Variants in KLHL1 observed in about 807,000 individuals in gnomAD.
KLHL1 encodes the protein kelch like family member 1.
A neutral mutation model predicts 77.7 loss-of-function variants in KLHL1; 47 were observed. The observed-to-expected ratio is 0.60, with a 90% confidence interval of 0.48 to 0.77. The LOEUF is 0.77. Ranked by LOEUF, KLHL1 falls within the 30% of genes least tolerant of loss-of-function variation. KLHL1 has a pLI of 0.00. For missense variants in KLHL1, 925 were observed against 910.8 expected, an observed-to-expected ratio of 1.02 and a Z score of -0.20; for synonymous variants, 360 against 325.2, an observed-to-expected ratio of 1.11 and a Z score of -1.15.
chr13:70,039,462 T>G (rs1405081995), intron 1 of KLHL1, among the ~76,000 whole-genome samples: 1 of 152,098 alleles, frequency 6.6e-6, no homozygotes, highest in Admixed American at 6.5e-5. Context: ...CATAAATAAT[T>G]TTTTGGCCAA....
At chr13:70,020,623 C>T (rs1885764205) in intron 1 of KLHL1, among the ~76,000 whole-genome samples, 1 of 151,998 alleles carries the variant, frequency 6.6e-6, no homozygotes, top group East Asian at 1.9e-4. Flanking sequence ...AGAAGCTGTA[C>T]CTTTTATCTA....
At chr13:69,708,440 G>A (rs968817208) in intron 9 of KLHL1, among the ~76,000 whole-genome samples, 1 of 151,776 alleles carries the variant, frequency 6.6e-6, no homozygotes, top group Non-Finnish European at 1.5e-5. Context: ...TGATTCCCTG[G>A]GTAGGAAGGT....
At chr13:69,879,314 G>C (rs1880892042) in intron 5 of KLHL1, among the ~76,000 whole-genome samples, 1 of 151,962 alleles carries the variant, frequency 6.6e-6, no homozygotes, top group Admixed American at 6.6e-5. Flanking sequence ...ATATTGCTGT[G>C]ACATATTCTC....
At position 70,022,694 on chromosome 13, in the gene KLHL1, C is replaced by T. The variant is rs995626162; in HGVS notation, c.498-46892G>A. ...TATGTATGGAAATCAGTGGGCTACA[C>T]GGTGAGGTTGGATGAATTTAGCAAA... On this transcript the variant is annotated intron_variant, in intron 1 of 10. Coordinates refer to ENST00000377844, the MANE Select transcript of KLHL1 (RefSeq NM_020866.3). 3.9e-5 allele frequency among the ~76,000 whole-genome samples: 6 copies of T among 151,972 alleles called. No individual in the cohort carries two copies. The South Asian group carries it at 8.3e-4, about 21-fold the overall frequency.
At chr13:69,859,698 C>T (rs1880061270) in intron 5 of KLHL1, among the ~76,000 whole-genome samples, 1 of 152,022 alleles carries the variant, frequency 6.6e-6, no homozygotes, top group African/African-American at 2.4e-5. Context: ...AGAAACAATA[C>T]AAACAGAAAC....
chr13:69,926,355 G>A (rs1480610679), intron 4 of KLHL1, among the ~76,000 whole-genome samples: 1 of 151,970 alleles, frequency 6.6e-6, no homozygotes, highest in Non-Finnish European at 1.5e-5. Context: ...AAACATTATG[G>A]GAAGACTAAT....
At chr13:69,961,479 A>G (rs749823717) in intron 2 of KLHL1, 35 bp from the exon 3 acceptor site, 1 of 1,610,324 alleles carries the variant, frequency 6.2e-7, no homozygotes, top group South Asian at 1.1e-5. Context: ...TAGGTCGTGA[A>G]TGTAAGGCAG....
chr13:69,862,863 T>C lies in KLHL1; in HGVS notation c.1227+19420A>G, dbSNP rs933087059. On this transcript the variant is annotated intron_variant, in intron 5 of 10. Transcript: ENST00000377844. ...ACTAAATTTGCAGGCACCTTGATCT[T>C]GGATTTTAGCTTTCAGAACTGTGAC... 3.3e-5 allele frequency among the ~76,000 whole-genome samples: 5 copies of C among 152,128 alleles called. No homozygotes were observed. The South Asian group carries it at 1.0e-3, about 31-fold the overall frequency.
intron 9 of KLHL1, among the ~76,000 whole-genome samples, chr13:69,716,615 C>A (rs994007911): frequency 1.3e-5 from 2 of 152,124 alleles, no homozygotes; most frequent in East Asian, 1.9e-4. Context: ...TTTCACCAGC[C>A]CTCATTACTG....
At chr13:69,723,460 CA>C (rs1873157437) in intron 8 of KLHL1, among the ~76,000 whole-genome samples, 1 of 151,796 alleles carries the variant, frequency 6.6e-6, no homozygotes. Flanking sequence ...TATTATGTGT[CA>C]ATAACAAAAA....
chr13:69,795,221 T>G (rs2138035485), intron 7 of KLHL1, among the ~76,000 whole-genome samples: 1 of 152,342 alleles, frequency 6.6e-6, no homozygotes, highest in Admixed American at 6.5e-5. Context: ...CAGTCATCTT[T>G]CCTTCTCTCT....
At chr13:69,819,918 T>C (rs1380769197) in intron 6 of KLHL1, among the ~76,000 whole-genome samples, 1 of 152,214 alleles carries the variant, frequency 6.6e-6, no homozygotes, top group Admixed American at 6.5e-5. Context: ...TAATCTGTTA[T>C]AAATGCCTTT....
chr13:69,854,229 A>T (rs1303432228), intron 5 of KLHL1, among the ~76,000 whole-genome samples: 1 of 152,080 alleles, frequency 6.6e-6, no homozygotes, highest in Non-Finnish European at 1.5e-5. Flanking sequence ...TGCAGGCTGT[A>T]CAAGAAGCAT....
At position 69,940,093 on chromosome 13, in the gene KLHL1, C is replaced by T. The variant is rs751336229; in HGVS notation, c.961G>A (p.Ala321Thr). ...AACTCAATGCATCCTTGAGCATCTG[C>T]GAAGGCTCGAATTCCTAAACAGTTA... ...PSNCLGIRAF[A>T]DAQGCIELMK... The change falls in exon 4 of 11, where the codon GCA becomes ACA. Residue 321 changes from alanine to threonine, a missense_variant. Physicochemically the swap from Ala to Thr is moderately conservative, Grantham distance 58. Coordinates refer to ENST00000377844, the MANE Select transcript of KLHL1 (RefSeq NM_020866.3). 18 of 1,612,582 alleles carry T rather than the reference C, an allele frequency of 1.1e-5. No individual in the cohort carries two copies. The highest frequency in any genetic ancestry group is 2.2e-5 in the East Asian group (1 of 44,822).
intron 1 of KLHL1, among the ~76,000 whole-genome samples, chr13:70,072,135 A>G (rs932060239): frequency 6.6e-6 from 1 of 152,116 alleles, no homozygotes; most frequent in Admixed American, 6.5e-5. Flanking sequence ...TTGATCCCAT[A>G]GACATTAACT....
chr13:69,825,991 A>T, intron 6 of KLHL1, among the ~76,000 whole-genome samples: 1 of 558 alleles, frequency 1.8e-3, no homozygotes, highest in Admixed American at 0.026. Flanking sequence ...TACTTACAGA[A>T]AAAAAAAGAT....
intron 5 of KLHL1, among the ~76,000 whole-genome samples, chr13:69,850,526 C>T (rs911766862): frequency 2.0e-5 from 3 of 151,516 alleles, no homozygotes; most frequent in African/African-American, 7.3e-5. Context: ...TACTATGAAA[C>T]TGTCTACGAC....
intron 1 of KLHL1, among the ~76,000 whole-genome samples, chr13:70,090,442 C>G (rs984151936): frequency 3.3e-5 from 5 of 151,468 alleles, no homozygotes; most frequent in Admixed American, 1.3e-4. Context: ...TCTCTTAAAG[C>G]TAACTCAGAA....
At chr13:69,755,788 G>A (rs1408639867) in intron 7 of KLHL1, among the ~76,000 whole-genome samples, 1 of 152,094 alleles carries the variant, frequency 6.6e-6, no homozygotes, top group Admixed American at 6.6e-5. Context: ...TGCTAAATTA[G>A]ATAAAATTGA....
Sources: allele counts gnomAD v4.1 joint callset (sites outside exome capture counted in the v4.1 genomes callset), GRCh38; gene constraint gnomAD v4.1.1; transcripts MANE v1.5; gene names NCBI Gene and HGNC (gene_info 2026-07-23, HGNC 2026-07-21).